The following DNAH17 variants were observed in gnomAD, a reference collection of about 807,000 sequenced individuals.
DNAH17 encodes the protein axonemal beta dynein heavy chain 17.
Under a neutral mutation model 485.6 loss-of-function variants are expected in DNAH17, and 376 were observed. The ratio of observed to expected loss-of-function variants is 0.77; its 90% CI spans 0.71 to 0.84. The LOEUF (loss-of-function observed/expected upper bound fraction) is 0.84. Among genes scored for constraint, DNAH17 ranks in the 40% least tolerant of loss-of-function variants. The pLI, the probability that DNAH17 is intolerant of heterozygous loss-of-function variation, is 0.00. For synonymous variants in DNAH17, 3,031 were observed against 2,405.9 expected (o/e 1.26, Z -7.60); for missense variants, 6,370 against 5,839.3 (o/e 1.09, Z -2.96).
intron 74 of DNAH17, among the ~76,000 whole-genome samples, chr17:78,436,519 T>C (rs1292223239): frequency 6.6e-6 from 1 of 151,688 alleles, no homozygotes; most frequent in Non-Finnish European, 1.5e-5. Flanking sequence ...ACAGAGAAAA[T>C]GCTGAGGTGC....
chr17:78,550,063 C>T (rs2091864437), intron 16 of DNAH17, among the ~76,000 whole-genome samples: 1 of 152,220 alleles, frequency 6.6e-6, no homozygotes, highest in African/African-American at 2.4e-5. Flanking sequence ...ACCTGGCCCC[C>T]AGACCTGAGA....
chr17:78,482,153 G>A (rs1160885269), intron 48 of DNAH17, among the ~76,000 whole-genome samples: 5 of 140,576 alleles, frequency 3.6e-5, no homozygotes, highest in Non-Finnish European at 7.6e-5. Flanking sequence ...ACAGCTCACG[G>A]CAGCCTCTAT....
chr17:78,477,714 T>C (rs1463258519), intron 51 of DNAH17, among the ~76,000 whole-genome samples: 1 of 152,164 alleles, frequency 6.6e-6, no homozygotes, highest in African/African-American at 2.4e-5. Flanking sequence ...GGGCATAACT[T>C]AGCCTCCCTC....
Position 78,450,810 on chromosome 17 carries a change from C to T in DNAH17, c.10771G>A (p.Val3591Ile), listed in dbSNP as rs774237824. 1.9e-6 allele frequency: 3 copies of T among 1,614,030 alleles called. No homozygotes were observed. The highest frequency in any genetic ancestry group is 1.6e-4 in the Middle Eastern group (1 of 6,062). ...LTKSQNEFKIVLKELEDSLLA... is the reference protein window; with the variant it reads ...LTKSQNEFKIILKELEDSLLA... ...AGCGAATCTTCCAGCTCTTTCAGAACAATCTTAAATTCGTTTTGAGACTTG... is the reference window on the plus strand; with the variant it reads ...AGCGAATCTTCCAGCTCTTTCAGAATAATCTTAAATTCGTTTTGAGACTTG... Residue 3591 changes from valine to isoleucine, a missense_variant, in exon 67 of 81, where the codon GTT (valine) becomes ATT (isoleucine). Val to Ile is a conservative substitution (Grantham distance 29, BLOSUM62 3). Transcript: ENST00000389840.
intron 16 of DNAH17, among the ~76,000 whole-genome samples, chr17:78,546,431 T>G (rs2091766160): frequency 6.6e-6 from 1 of 152,238 alleles, no homozygotes; most frequent in African/African-American, 2.4e-5. Context: ...CCCTTTGTTA[T>G]CACGTTTTAT....
chr17:78,521,902 C>A (rs1331668800), intron 25 of DNAH17, among the ~76,000 whole-genome samples: 1 of 152,088 alleles, frequency 6.6e-6, no homozygotes. Flanking sequence ...CGAGAGAATC[C>A]TTGAACCCAG....
intron 34 of DNAH17, 30 bp downstream of exon 34, chr17:78,501,712 C>T (rs1303686487): frequency 3.1e-6 from 5 of 1,607,440 alleles, no homozygotes; most frequent in Non-Finnish European, 3.4e-6. Context: ...CTTGCCCTTC[C>T]CCTGGCCCCT....
chr17:78,563,027 A>G (rs2092190659), intron 11 of DNAH17, among the ~76,000 whole-genome samples: 1 of 152,248 alleles, frequency 6.6e-6, no homozygotes. Flanking sequence ...TGGGTCTGAG[A>G]AAGGTGACCA....
rs559860609 is a variant in DNAH17, at chr17:78,519,068, T to G, written c.3865-4046A>C. The stretch of plus-strand genomic sequence containing the variant: ...CTGTAGTCCCAGATACTCGGGAGGC[T>G]GAGGCAGGAGAATGGCGTGAACCCA... On this transcript the variant is annotated intron_variant, in intron 25 of 80. Coordinates refer to ENST00000389840, the MANE Select transcript of DNAH17 (RefSeq NM_173628.4). 2.1e-5 allele frequency among the ~76,000 whole-genome samples: 3 copies of G among 145,040 alleles called. No individual in the cohort carries two copies. In the South Asian group the frequency reaches 6.4e-4, roughly 31 times the overall value.
Position 78,532,693 on chromosome 17 carries a change from T to A in DNAH17, c.2903A>T (p.Glu968Val). The stretch of plus-strand genomic sequence containing the variant: ...GGCATTGATGACCAGGCTGGACACC[T>A]CCTCCCTCATCTCTATGAGGTCTGT... Reference protein sequence around the residue: ...DNTDLIEMREEVSSLVINAMK... With the variant: ...DNTDLIEMREVVSSLVINAMK... The change falls in exon 20 of 81, where the codon GAG (glutamate) becomes GTG (valine). Residue 968 changes from glutamate (E) to valine (V), a missense_variant. By Grantham distance (121) the Glu-to-Val change is moderately radical. Coordinates refer to ENST00000389840, the MANE Select transcript of DNAH17 (RefSeq NM_173628.4). 3 of 1,592,676 alleles carry A rather than the reference T, an allele frequency of 1.9e-6. No homozygotes were observed. Among genetic ancestry groups the A allele is most frequent in the African/African-American group, 1.3e-5 (1 of 74,644 alleles).
At chr17:78,484,787 C>T in intron 48 of DNAH17, 81 bp downstream of exon 48, 1 of 1,378,320 alleles carries the variant, frequency 7.3e-7, no homozygotes, top group Non-Finnish European at 9.5e-7. Context: ...CCTGGGGCTC[C>T]GCCTCTTCCT....
Position 78,466,687 on chromosome 17 carries a change from C to A in DNAH17, c.8908G>T (p.Ala2970Ser). The A allele has an allele frequency of 6.2e-7, 1 of 1,611,918 alleles. No homozygotes were observed. Among genetic ancestry groups the A allele is most frequent in the Non-Finnish European group, 8.5e-7 (1 of 1,179,238 alleles). Residue 2970 changes from alanine (A) to serine (S), a missense_variant, in exon 56 of 81, where the codon GCC (alanine) becomes TCC (serine). Physicochemically the swap from Ala to Ser is moderately conservative, Grantham distance 99 (BLOSUM62 1). Coordinates refer to ENST00000389840, the MANE Select transcript of DNAH17 (RefSeq NM_173628.4). ...WPEDALVSVS[A>S]RFLEETEGIP... ...CCCTCAGTCTCCTCCAGGAAGCGGG[C>A]GCTGACGGACACCAGCGCATCTTCC... is the stretch of plus-strand genomic sequence containing the variant.
At chr17:78,468,295 A>G (rs1328768316) in intron 55 of DNAH17, among the ~76,000 whole-genome samples, 3 of 152,220 alleles carry the variant, frequency 2.0e-5, no homozygotes, top group Non-Finnish European at 4.4e-5. Flanking sequence ...CAAAAATACG[A>G]CACTGTTTTA....
rs551103579 is a variant in DNAH17 at position 78,458,948 on chromosome 17, C to T, written c.9861+53G>A. On this transcript the variant is annotated intron_variant, in intron 61 of 80. Coordinates refer to ENST00000389840, the MANE Select transcript of DNAH17 (RefSeq NM_173628.4). ...TTTCAACAGAGGTATTGACTGGCAG[C>T]GCGAGCAAGCGGCTCTGGTGTTTCG... The T allele has an allele frequency of 6.9e-5, 109 of 1,578,952 alleles. No individual in the cohort carries two copies. In the African/African-American group the frequency reaches 8.1e-4, roughly 12 times the overall value.
In DNAH17 at chr17:78,502,602, T is replaced by C; in HGVS notation, c.5179A>G (p.Asn1727Asp). 1.2e-6 allele frequency: 2 copies of C among 1,612,776 alleles called. No homozygotes were observed. Among genetic ancestry groups the C allele is most frequent in the South Asian group, 2.2e-5 (2 of 90,872 alleles). Reference sequence around the variant, plus strand: ...CACTAGTAACACACCTGCTTTTTGTTATAATCTCTGATAGCGTTTTCATAG... The same window carrying C: ...CACTAGTAACACACCTGCTTTTTGTCATAATCTCTGATAGCGTTTTCATAG... ...EGYENAIRDY[N>D]KKQISQLNVL... The change falls in exon 33 of 81, where the codon AAC becomes GAC. Residue 1727 changes from asparagine to aspartate, a missense_variant. By Grantham distance (23) the Asn-to-Asp change is conservative (BLOSUM62 1). Transcript: ENST00000389840.
chr17:78,510,797 T>A (rs529077312), intron 26 of DNAH17: 2 of 339,402 alleles, frequency 5.9e-6, no homozygotes, highest in African/African-American at 4.2e-5. Context: ...ACGTGTCACC[T>A]TATTTGGAAA....
At chr17:78,565,485 T>C (rs1473263737) in intron 11 of DNAH17, among the ~76,000 whole-genome samples, 1 of 152,192 alleles carries the variant, frequency 6.6e-6, no homozygotes, top group African/African-American at 2.4e-5. Context: ...CTTAGCAATC[T>C]CAGCCTTGAA....
At chr17:78,540,636 C>T (rs2091512927) in intron 17 of DNAH17, among the ~76,000 whole-genome samples, 1 of 113,544 alleles carries the variant, frequency 8.8e-6, no homozygotes, top group Non-Finnish European at 1.8e-5. Context: ...TGTGTGAGTC[C>T]ATGGATGGAT....
rs2090964091 is a variant in DNAH17, at chr17:78,522,682, A to G, written c.3864+2327T>C. 2.9e-5 allele frequency: 6 copies of G among 208,102 alleles called. No individual in the cohort carries two copies. In the South Asian group the frequency reaches 4.1e-4, roughly 14 times the overall value. The allele number at this position is 208,102 out of a possible 1,614,324, so 12.9% of individuals were successfully genotyped here. Reference sequence around the variant, plus strand: ...TTCCTGAATGCTGAGCATGCACGGAAATTCCAAAGTTCAGAGAATGCAAAA... The same window carrying G: ...TTCCTGAATGCTGAGCATGCACGGAGATTCCAAAGTTCAGAGAATGCAAAA... On this transcript the variant is annotated intron_variant, in intron 25 of 80. Transcript: ENST00000389840.
Sources: allele counts gnomAD v4.1 joint callset (sites outside exome capture counted in the v4.1 genomes callset), GRCh38; gene constraint gnomAD v4.1.1; transcripts MANE v1.5; gene names NCBI Gene and HGNC (gene_info 2026-07-23, HGNC 2026-07-21).